ATF7IP2: variants seen among roughly 807,000 people sequenced by gnomAD.
The protein encoded by ATF7IP2 is activating transcription factor 7-interacting protein 2.
ATF7IP2 carries 42 observed loss-of-function variants against 64.2 expected under a neutral mutation model. That is an observed-to-expected ratio of 0.65 (90% CI 0.51 to 0.85). The LOEUF is 0.85. Among genes scored for constraint, ATF7IP2 ranks in the 40% least tolerant of loss-of-function variants. The pLI is 0.00. For synonymous variants in ATF7IP2, 308 were observed against 272.8 expected, an observed-to-expected ratio of 1.13 and a Z score of -1.27; for missense variants, 933 against 784.2, an observed-to-expected ratio of 1.19 and a Z score of -2.27.
Position 10,438,690 on chromosome 16 carries a change from C to G in ATF7IP2, c.1095+455C>G, listed in dbSNP as rs150771054. Among the ~76,000 whole-genome samples the G allele has an allele frequency of 4.0e-4, 61 of 152,280 alleles. No homozygotes were observed. The East Asian group carries it at 6.9e-3, about 17-fold the overall frequency. On this transcript the variant is annotated intron_variant, in intron 7 of 13. Coordinates refer to ENST00000562102, the MANE Select transcript of ATF7IP2 (RefSeq NM_001393719.1). ...TCATAGGCAATGTAATTTACTATAG[C>G]TTAGCAATATCGGCTTTTGAGAAAT...
At chr16:10,432,733 G>A (rs1200910114) in intron 5 of ATF7IP2, among the ~76,000 whole-genome samples, 2 of 152,150 alleles carry the variant, frequency 1.3e-5, no homozygotes, top group South Asian at 2.1e-4. Context: ...TTAGCCAGGC[G>A]TGGTGGTGGG....
At chr16:10,418,387 G>A (rs567097758) in intron 2 of ATF7IP2, among the ~76,000 whole-genome samples, 1 of 152,134 alleles carries the variant, frequency 6.6e-6, no homozygotes, top group Admixed American at 6.5e-5. Flanking sequence ...GGGGCCTGTT[G>A]ATGGCCAGAT....
At chr16:10,451,885 C>G (rs549617437) in intron 8 of ATF7IP2, among the ~76,000 whole-genome samples, 1 of 151,938 alleles carries the variant, frequency 6.6e-6, no homozygotes, top group African/African-American at 2.4e-5. Context: ...AACCCCATCT[C>G]TACTAAAAAT....
intron 8 of ATF7IP2, chr16:10,449,894 C>G (rs546357307): frequency 6.6e-6 from 1 of 152,212 alleles, no homozygotes; most frequent in African/African-American, 2.4e-5. Flanking sequence ...TCATGCTTCT[C>G]TACTTCTTTT....
intron 1 of ATF7IP2, among the ~76,000 whole-genome samples, chr16:10,402,539 C>T (rs73512982): frequency 0.025 from 3,833 of 152,202 alleles, 137 homozygotes; most frequent in African/African-American, 0.088. Flanking sequence ...TTTTTACTTA[C>T]TGCAGCCTTA....
chr16:10,451,504 G>T (rs113460768), intron 8 of ATF7IP2, among the ~76,000 whole-genome samples: 355 of 152,078 alleles, frequency 2.3e-3, no homozygotes, highest in African/African-American at 8.2e-3. Context: ...CTTGGAGGCT[G>T]TGTTCGTTCC....
intron 9 of ATF7IP2, among the ~76,000 whole-genome samples, chr16:10,469,432 A>C (rs1270114051): frequency 1.3e-5 from 2 of 152,118 alleles, no homozygotes; most frequent in Non-Finnish European, 2.9e-5. Context: ...GCAAATTCTA[A>C]ATCCATAAAT....
intron 9 of ATF7IP2, among the ~76,000 whole-genome samples, chr16:10,463,633 C>T (rs1014792307): frequency 4.6e-5 from 7 of 152,110 alleles, no homozygotes; most frequent in African/African-American, 1.4e-4. Context: ...CTGCCAACAT[C>T]CTGACTGCAA....
At chr16:10,459,454 C>G (rs889305850) in intron 9 of ATF7IP2, among the ~76,000 whole-genome samples, 9 of 145,252 alleles carry the variant, frequency 6.2e-5, no homozygotes, top group African/African-American at 1.8e-4. Context: ...GGCGACAGAG[C>G]GAGACTCCAT....
intron 1 of ATF7IP2, among the ~76,000 whole-genome samples, chr16:10,404,496 C>T (rs1190950043): frequency 6.6e-6 from 1 of 152,114 alleles, no homozygotes; most frequent in Non-Finnish European, 1.5e-5. Flanking sequence ...ATCCACCCAC[C>T]TTGGCCTCCC....
At chr16:10,391,115 C>T (rs148746343) in intron 1 of ATF7IP2, among the ~76,000 whole-genome samples, 3 of 151,556 alleles carry the variant, frequency 2.0e-5, no homozygotes, top group African/African-American at 7.3e-5. Flanking sequence ...TATGATCGCG[C>T]CATTGCATTC....
intron 8 of ATF7IP2, chr16:10,446,188 T>C (rs904251254): frequency 6.6e-6 from 1 of 152,224 alleles, no homozygotes. Flanking sequence ...TCTCTTAAAT[T>C]AGGCCTAACT....
chr16:10,471,987 C>CTATTATCAAT lies in ATF7IP2; in HGVS notation c.1353-123_1353-122insTATTATCAAT, dbSNP rs2049817403. ...TTGGTTTTATCATTTCTATTTCCCC[C>CTATTATCAAT]CACGATTGTTCAATTAAAACATTAT... On this transcript the variant is annotated intron_variant, in intron 9 of 13. Coordinates refer to ENST00000562102, the MANE Select transcript of ATF7IP2 (RefSeq NM_001393719.1). 14 of 455,546 alleles carry CTATTATCAAT rather than the reference C, an allele frequency of 3.1e-5. No individual in the cohort carries two copies. In the South Asian group the frequency reaches 6.8e-4, roughly 22 times the overall value. 28.2% of individuals were successfully genotyped at this position (455,546 alleles called of 1,614,324 possible).
chr16:10,419,248 AG>A (rs1218573251), intron 2 of ATF7IP2, among the ~76,000 whole-genome samples: 2 of 152,188 alleles, frequency 1.3e-5, no homozygotes, highest in Non-Finnish European at 2.9e-5. Flanking sequence ...ATTGATAGTG[AG>A]GGGGTAGGCA....
intron 1 of ATF7IP2, among the ~76,000 whole-genome samples, chr16:10,401,846 A>G (rs2047542046): frequency 6.7e-6 from 1 of 149,254 alleles, no homozygotes; most frequent in South Asian, 2.2e-4. Flanking sequence ...AGGAGGTTGT[A>G]TGTTTCCAGT....
chr16:10,461,566 G>A lies in ATF7IP2; in HGVS notation c.1352+4037G>A, dbSNP rs1199146192. On this transcript the variant is annotated intron_variant, in intron 9 of 13. Coordinates refer to ENST00000562102, the MANE Select transcript of ATF7IP2 (RefSeq NM_001393719.1). Reference sequence around the variant, plus strand: ...CAACAGTATGGATTATTCCCACAACGTATGATTGGAAAGCAGACACAAAAG... The same window carrying A: ...CAACAGTATGGATTATTCCCACAACATATGATTGGAAAGCAGACACAAAAG... 3.3e-5 allele frequency among the ~76,000 whole-genome samples: 5 copies of A among 152,042 alleles called. No homozygotes were observed. In the South Asian group the frequency reaches 8.3e-4, roughly 25 times the overall value.
At chr16:10,469,563 A>G (rs1447541922) in intron 9 of ATF7IP2, among the ~76,000 whole-genome samples, 1 of 152,122 alleles carries the variant, frequency 6.6e-6, no homozygotes, top group East Asian at 1.9e-4. Context: ...GACACATCAC[A>G]TAGAAAGGAA....
In ATF7IP2 at chr16:10,430,793, T is replaced by C. The variant is rs930612327; in HGVS notation, c.173T>C (p.Ile58Thr). ...SGNQSFSPSV[I>T]TRTTEITKCS... ...AATCAGAGTTTCAGTCCTAGTGTCATAACTAGGACGACTGAAATAACCAAA... is the reference window on the plus strand; with the variant it reads ...AATCAGAGTTTCAGTCCTAGTGTCACAACTAGGACGACTGAAATAACCAAA... Residue 58 changes from isoleucine (I) to threonine (T), a missense_variant, in exon 5 of 14, where the codon ATA becomes ACA. Ile to Thr is a moderately conservative substitution (Grantham distance 89, BLOSUM62 -1). Transcript: ENST00000562102. 1 of 1,558,540 alleles carries C rather than the reference T, an allele frequency of 6.4e-7. No homozygotes were observed. Among genetic ancestry groups the C allele is most frequent in the African/African-American group, 1.6e-5 (1 of 60,658 alleles).
chr16:10,393,073 G>A (rs898878633), intron 1 of ATF7IP2, among the ~76,000 whole-genome samples: 1 of 152,044 alleles, frequency 6.6e-6, no homozygotes, highest in Non-Finnish European at 1.5e-5. Flanking sequence ...ACTTTGGGAG[G>A]CTAAGGTGGA....
Sources: gnomAD v4.1 joint callset for allele counts (sites outside exome capture counted in the v4.1 genomes callset) on GRCh38, gnomAD v4.1.1 for gene constraint, MANE v1.5 for transcripts, NCBI Gene and HGNC (gene_info 2026-07-23, HGNC 2026-07-21) for gene names.